SYT1: variants seen among roughly 807,000 people sequenced by gnomAD.
The protein encoded by SYT1 is synaptotagmin 1, also known as synaptotagmin-1.
Under a neutral mutation model 44.8 loss-of-function variants are expected in SYT1, and 8 were observed. The ratio of observed to expected loss-of-function variants is 0.18; its 90% CI spans 0.10 to 0.32. The LOEUF is 0.32. Among genes scored for constraint, SYT1 ranks in the 10% least tolerant of loss-of-function variants. SYT1 has a pLI of 1.00. For missense variants in SYT1, 286 were observed against 509.3 expected (o/e 0.56, Z 4.22); for synonymous variants, 154 against 188.8 (o/e 0.82, Z 1.51).
intron 9 of SYT1, among the ~76,000 whole-genome samples, chr12:79,432,388 G>A (rs1422621283): frequency 5.5e-5 from 8 of 144,706 alleles, no homozygotes; most frequent in East Asian, 4.2e-4. Context: ...AAGAGGCCCC[G>A]GTGTGTGATG....
chr12:78,986,215 TAAAAATAA>T (rs1474138152), intron 2 of SYT1, among the ~76,000 whole-genome samples: 2 of 152,028 alleles, frequency 1.3e-5, no homozygotes, highest in African/African-American at 2.4e-5. Context: ...GCTGACCTTA[TAAAAATAA>T]TCTCTGTGTT....
chr12:79,357,881 G>A (rs1403022585), intron 9 of SYT1, among the ~76,000 whole-genome samples: 1 of 152,168 alleles, frequency 6.6e-6, no homozygotes, highest in Non-Finnish European at 1.5e-5. Flanking sequence ...TGGGAAAATT[G>A]GGGAAGAGAA....
chr12:79,235,118 A>G (rs915539770), intron 4 of SYT1, among the ~76,000 whole-genome samples: 1 of 152,206 alleles, frequency 6.6e-6, no homozygotes, highest in East Asian at 1.9e-4. Context: ...CTAAGTATAG[A>G]ATTACTATGT....
At chr12:79,238,734 A>G (rs1876334273) in intron 4 of SYT1, among the ~76,000 whole-genome samples, 1 of 152,200 alleles carries the variant, frequency 6.6e-6, no homozygotes, top group Non-Finnish European at 1.5e-5. Context: ...CCTTGATGTC[A>G]TTACTAATCC....
At chr12:79,153,683 G>A (rs1200423150) in intron 3 of SYT1, among the ~76,000 whole-genome samples, 2 of 152,058 alleles carry the variant, frequency 1.3e-5, no homozygotes, top group Admixed American at 6.6e-5. Flanking sequence ...CTTCATAGAT[G>A]ATAATCTCTG....
chr12:79,068,934 A>G (rs1306827249), intron 3 of SYT1, among the ~76,000 whole-genome samples: 3 of 152,156 alleles, frequency 2.0e-5, no homozygotes, highest in Non-Finnish European at 4.4e-5. Context: ...AAAACTCAAC[A>G]TATCATAAAT....
intron 3 of SYT1, among the ~76,000 whole-genome samples, chr12:79,086,424 C>A (rs376729581): frequency 1.3e-5 from 2 of 152,082 alleles, no homozygotes; most frequent in Admixed American, 6.6e-5. Context: ...TCTCAGAACA[C>A]GGTGACGAAA....
At chr12:79,445,297 A>G (rs1870645770) in intron 10 of SYT1, among the ~76,000 whole-genome samples, 3 of 152,034 alleles carry the variant, frequency 2.0e-5, no homozygotes, top group Admixed American at 2.0e-4. Flanking sequence ...AACATTTATC[A>G]TTTGTTTGTC....
At chr12:79,215,918 C>G (rs1480263345) in intron 3 of SYT1, among the ~76,000 whole-genome samples, 1 of 76,726 alleles carries the variant, frequency 1.3e-5, no homozygotes. Context: ...GCATTTCTTT[C>G]TTTTTTTTTT....
At chr12:79,205,020 A>G (rs1874030204) in intron 3 of SYT1, among the ~76,000 whole-genome samples, 1 of 141,534 alleles carries the variant, frequency 7.1e-6, no homozygotes, top group Admixed American at 7.7e-5. Context: ...GCTGGAGTGC[A>G]GTGGTGCAAT....
chr12:79,385,693 G>T (rs1593021337), intron 9 of SYT1, among the ~76,000 whole-genome samples: 1 of 151,934 alleles, frequency 6.6e-6, no homozygotes, highest in Non-Finnish European at 1.5e-5. Flanking sequence ...CAACTGAAGG[G>T]AGCATCAACC....
chr12:79,078,581 G>C (rs553290934), intron 3 of SYT1, among the ~76,000 whole-genome samples: 1 of 151,750 alleles, frequency 6.6e-6, no homozygotes, highest in African/African-American at 2.4e-5. Context: ...GGATGTACAG[G>C]TTTGTTACAT....
chr12:79,411,504 C>T (rs1352076125), intron 9 of SYT1, among the ~76,000 whole-genome samples: 1 of 152,092 alleles, frequency 6.6e-6, no homozygotes, highest in African/African-American at 2.4e-5. Flanking sequence ...TCTCTGGCTC[C>T]TTGACTTGCT....
At chr12:79,130,490 G>A in intron 3 of SYT1, among the ~76,000 whole-genome samples, 1 of 152,166 alleles carries the variant, frequency 6.6e-6, no homozygotes, top group Non-Finnish European at 1.5e-5. Context: ...GGAATTGTCT[G>A]CCTTGATTCC....
chr12:79,316,263 A>G (rs1442458627), intron 8 of SYT1, among the ~76,000 whole-genome samples: 2 of 152,174 alleles, frequency 1.3e-5, no homozygotes, highest in Non-Finnish European at 2.9e-5. Flanking sequence ...CCATGGAATC[A>G]TGTTATTTTG....
At chr12:79,344,347 G>A (rs987619227) in intron 8 of SYT1, among the ~76,000 whole-genome samples, 2 of 152,220 alleles carry the variant, frequency 1.3e-5, no homozygotes, top group Admixed American at 6.5e-5. Context: ...GCCTGGCACA[G>A]AGGAGGTACC....
At chr12:79,061,634 G>A (rs1223815567) in intron 3 of SYT1, among the ~76,000 whole-genome samples, 1 of 152,066 alleles carries the variant, frequency 6.6e-6, no homozygotes, top group Non-Finnish European at 1.5e-5. Context: ...AAATATAATA[G>A]TATGAAGATT....
At chr12:78,909,781 T>A (rs1212471781) in intron 1 of SYT1, among the ~76,000 whole-genome samples, 2 of 152,016 alleles carry the variant, frequency 1.3e-5, no homozygotes, top group East Asian at 3.9e-4. Context: ...ATATAATCCA[T>A]TTCACTTTTG....
chr12:79,345,281 C>T (rs1882557478), intron 8 of SYT1, among the ~76,000 whole-genome samples: 4 of 152,070 alleles, frequency 2.6e-5, no homozygotes, highest in African/African-American at 7.2e-5. Context: ...AAATTTATAA[C>T]GATTATTGAG....
Sources: gnomAD v4.1 joint callset for allele counts (sites outside exome capture counted in the v4.1 genomes callset) on GRCh38, gnomAD v4.1.1 for gene constraint, MANE v1.5 for transcripts, NCBI Gene and HGNC (gene_info 2026-07-23, HGNC 2026-07-21) for gene names.